The following UNC80 variants were observed in gnomAD, a reference collection of about 807,000 sequenced individuals.
The protein encoded by UNC80 is unc-80 subunit of NALCN channel complex.
In UNC80, 164 loss-of-function variants were observed where a neutral mutation model predicts 384.6. The observed-to-expected ratio is 0.43, with a 90% CI of 0.38 to 0.49. The LOEUF (loss-of-function observed/expected upper bound fraction) is 0.49, where lower values mean the gene tolerates loss of function less well. Ranked by LOEUF, UNC80 falls within the 20% of genes least tolerant of loss-of-function variation. The pLI, the probability that UNC80 is intolerant of heterozygous loss-of-function variation, is 0.00. For missense variants in UNC80, 3,330 were observed against 4,143.0 expected, an observed-to-expected ratio of 0.80 and a Z score of 5.39; for synonymous variants, 1,486 against 1,527.8, an observed-to-expected ratio of 0.97 and a Z score of 0.64.
intron 27 of UNC80, 78 bp downstream of exon 27, chr2:209,894,444 A>G (rs2086626424): frequency 5.0e-6 from 4 of 801,952 alleles, no homozygotes; most frequent in Non-Finnish European, 6.0e-6. Flanking sequence ...GCTGAAGTCC[A>G]TTTTCTTACA....
At chr2:209,887,604 C>T (rs1054964957) in intron 25 of UNC80, among the ~76,000 whole-genome samples, 2 of 152,124 alleles carry the variant, frequency 1.3e-5, no homozygotes, top group Non-Finnish European at 2.9e-5. Flanking sequence ...AGCACAGTTC[C>T]GAGTCTGATT....
In UNC80 at chr2:209,945,950, G is replaced by T; in HGVS notation, c.7286+7G>T. 1.3e-6 allele frequency: 2 copies of T among 1,542,850 alleles called. No individual in the cohort carries two copies. Among genetic ancestry groups the T allele is most frequent in the Non-Finnish European group, 1.8e-6 (2 of 1,139,120 alleles). ...CTCCCGAATCATTCAGAAGGTATCT[G>T]CAGCCCTTTATTCTGTGCCTTGTGA... On this transcript the variant is annotated splice_region_variant and intron_variant, in intron 47 of 64. Transcript: ENST00000673920.
chr2:209,796,767 C>T (rs1307758535), intron 7 of UNC80, among the ~76,000 whole-genome samples: 1 of 152,280 alleles, frequency 6.6e-6, no homozygotes, highest in East Asian at 1.9e-4. Flanking sequence ...GATTCTGAGG[C>T]CTCCCCAGCC....
At position 209,977,053 on chromosome 2, in the gene UNC80, A is replaced by G; in HGVS notation, c.8913A>G (p.Leu2971=). 6.6e-7 allele frequency: 1 copy of G among 1,521,304 alleles called. No homozygotes were observed. Among genetic ancestry groups the G allele is most frequent in the Non-Finnish European group, 8.9e-7 (1 of 1,121,984 alleles). 94.2% of individuals were successfully genotyped at this position (1,521,304 alleles called of 1,614,324 possible). A position where few individuals can be genotyped will look rare whatever the true frequency, so the allele number is the denominator to read the frequency against. Residue 2971 remains leucine (L), a synonymous_variant, in exon 58 of 65, where the codon CTA becomes CTG. Coordinates refer to ENST00000673920, the MANE Select transcript of UNC80 (RefSeq NM_001371986.1). ...IAEFNSELKI[L]KEAVHSGSAY... Reference sequence around the variant, plus strand: ...AGTTCAACAGTGAACTAAAAATTCTAAAAGAGGCAGTTCATAGTGGATCAG... The same window carrying G: ...AGTTCAACAGTGAACTAAAAATTCTGAAAGAGGCAGTTCATAGTGGATCAG...
chr2:209,880,836 C>T, intron 24 of UNC80, 125 bp from the exon 25 acceptor site: 3 of 869,604 alleles, frequency 3.4e-6, no homozygotes, highest in Non-Finnish European at 5.3e-6. Context: ...GGATGTTGGA[C>T]ATATATAGGT....
rs966698706 is a variant in UNC80, at chr2:209,939,372, A to G, written c.6466-100A>G. 10 of 1,249,714 alleles carry G rather than the reference A, an allele frequency of 8.0e-6. No homozygotes were observed. In the South Asian group the frequency reaches 2.0e-4, roughly 25 times the overall value. 77.4% of individuals were successfully genotyped at this position (1,249,714 alleles called of 1,614,324 possible). A position where few individuals can be genotyped will look rare whatever the true frequency, so the allele number is the denominator to read the frequency against. On this transcript the variant is annotated intron_variant, in intron 42 of 64. Transcript: ENST00000673920. The stretch of plus-strand genomic sequence containing the variant: ...TTTTTCCCCTTTTCCGACTTTATCA[A>G]CCCAGTTTGCCATTAAAGGTTTTCC...
At chr2:209,773,262 C>A in intron 2 of UNC80, 120 bp downstream of exon 2, 1 of 856,488 alleles carries the variant, frequency 1.2e-6, no homozygotes. Flanking sequence ...TATTATTGAT[C>A]ACCCACTCTG....
rs186414225 is a variant in UNC80, at chr2:209,849,702, A to G, written c.3627+79A>G. 1.6e-5 allele frequency: 22 copies of G among 1,363,506 alleles called. No individual in the cohort carries two copies. In the East Asian group the frequency reaches 3.8e-4, roughly 23 times the overall value. The allele number at this position is 1,363,506 out of a possible 1,614,324, so 84.5% of individuals were successfully genotyped here. On this transcript the variant is annotated intron_variant, in intron 22 of 64. Transcript: ENST00000673920. ...TAACAGAGGTAAGCATGATTCCCCA[A>G]TTGTAATCCTCCTGTGTTTGTTTGT... is the stretch of plus-strand genomic sequence containing the variant.
intron 18 of UNC80, among the ~76,000 whole-genome samples, chr2:209,837,794 C>T (rs77122914): frequency 0.18 from 26,632 of 144,744 alleles, 2,671 homozygotes; most frequent in Non-Finnish European, 0.22. Flanking sequence ...TTTTTTGAGA[C>T]GGAGTCTCGC....
chr2:209,876,100 T>C (rs2084759606), intron 23 of UNC80, among the ~76,000 whole-genome samples: 1 of 152,168 alleles, frequency 6.6e-6, no homozygotes, highest in Non-Finnish European at 1.5e-5. Context: ...CTTTAGCCAG[T>C]TAATGAGTTG....
intron 25 of UNC80, among the ~76,000 whole-genome samples, chr2:209,886,743 C>T (rs1238925235): frequency 6.6e-6 from 1 of 152,184 alleles, no homozygotes; most frequent in Non-Finnish European, 1.5e-5. Flanking sequence ...GTTTGCCAAA[C>T]TATCTTTACT....
chr2:209,771,973 A>C lies in UNC80; in HGVS notation c.-100A>C, dbSNP rs2076597013. 123 of 774,122 alleles carry C rather than the reference A, an allele frequency of 1.6e-4. No individual in the cohort carries two copies. Among genetic ancestry groups the C allele is most frequent in the Non-Finnish European group, 1.8e-4 (85 of 459,510 alleles). 48.0% of individuals were successfully genotyped at this position (774,122 alleles called of 1,614,324 possible). On this transcript the variant is annotated 5_prime_UTR_variant, in exon 1 of 65. Transcript: ENST00000673920. The stretch of plus-strand genomic sequence containing the variant: ...GAGAGAGCCGGCTCTGCCTCGGGGA[A>C]GGAGGGGATGAGAGTTGGGAGCAGC...
intron 34 of UNC80, among the ~76,000 whole-genome samples, chr2:209,922,010 AT>A (rs1012175792): frequency 3.9e-5 from 6 of 152,190 alleles, no homozygotes; most frequent in African/African-American, 1.4e-4. Context: ...ATCAAAAATG[AT>A]TAATTAATCA....
At chr2:209,948,617 T>C (rs1433475026) in intron 47 of UNC80, among the ~76,000 whole-genome samples, 1 of 152,172 alleles carries the variant, frequency 6.6e-6, no homozygotes, top group Non-Finnish European at 1.5e-5. Context: ...ATTTTATCCT[T>C]TCAAATTCTT....
chr2:209,841,979 G>A (rs2081792947), intron 20 of UNC80, among the ~76,000 whole-genome samples: 2 of 152,104 alleles, frequency 1.3e-5, no homozygotes, highest in Non-Finnish European at 2.9e-5. Context: ...ATTCTATTTA[G>A]CTATCTTTCA....
intron 6 of UNC80, among the ~76,000 whole-genome samples, chr2:209,793,208 T>C (rs2077934829): frequency 6.6e-6 from 1 of 152,246 alleles, no homozygotes. Flanking sequence ...CTGCTGAATG[T>C]GTACTTATAA....
intron 22 of UNC80, among the ~76,000 whole-genome samples, chr2:209,859,697 T>G (rs1354283133): frequency 2.0e-5 from 3 of 152,184 alleles, no homozygotes; most frequent in African/African-American, 7.2e-5. Context: ...GCATCTATTG[T>G]TTCCTGACTT....
chr2:209,975,556 C>T (rs962657267), intron 56 of UNC80, among the ~76,000 whole-genome samples: 5 of 152,092 alleles, frequency 3.3e-5, no homozygotes, highest in African/African-American at 1.2e-4. Flanking sequence ...CTGGTTACCT[C>T]TGGGGAGCAG....
intron 18 of UNC80, 46 bp downstream of exon 18, chr2:209,835,056 C>T: frequency 7.2e-7 from 1 of 1,383,528 alleles, no homozygotes; most frequent in Non-Finnish European, 1.0e-6. Flanking sequence ...CTATGCACTT[C>T]ACTCTGGAAG....
Sources: gnomAD v4.1 joint callset for allele counts (sites outside exome capture counted in the v4.1 genomes callset) on GRCh38, gnomAD v4.1.1 for gene constraint, MANE v1.5 for transcripts, NCBI Gene and HGNC (gene_info 2026-07-23, HGNC 2026-07-21) for gene names.